Variants in HOGA1 observed in about 807,000 individuals in gnomAD.
The protein encoded by HOGA1 is 4-hydroxy-2-oxoglutarate aldolase 1.
A neutral mutation model predicts 34.3 loss-of-function variants in HOGA1; 30 were observed. The observed-to-expected ratio is 0.87, with a 90% CI of 0.65 to 1.19. HOGA1 has a LOEUF of 1.19. HOGA1 is among the 50% of genes most tolerant of loss of function. The pLI is 0.00. For missense variants in HOGA1, 417 were observed against 436.5 expected (o/e 0.96, Z 0.40); for synonymous variants, 161 against 174.0 (o/e 0.93, Z 0.59).
intron 6 of HOGA1, among the ~76,000 whole-genome samples, chr10:97,607,931 T>C (rs1229210683): frequency 6.6e-6 from 1 of 152,216 alleles, no homozygotes; most frequent in Non-Finnish European, 1.5e-5. Flanking sequence ...CATGATTTAT[T>C]ATAATTTTAT....
intron 1 of HOGA1, chr10:97,591,049 C>T (rs1044686912): frequency 6.8e-5 from 11 of 161,172 alleles, no homozygotes; most frequent in African/African-American, 2.6e-4. Flanking sequence ...GACCTGGGGC[C>T]TTTTCACTGG....
intron 6 of HOGA1, among the ~76,000 whole-genome samples, chr10:97,604,289 A>G (rs1423635428): frequency 6.6e-6 from 1 of 152,152 alleles, no homozygotes; most frequent in Admixed American, 6.5e-5. Context: ...ATTTCTGAGT[A>G]GGATACCATG....
At chr10:97,586,803 G>A (rs1259783560) in intron 1 of HOGA1, among the ~76,000 whole-genome samples, 2 of 152,130 alleles carry the variant, frequency 1.3e-5, no homozygotes, top group Non-Finnish European at 2.9e-5. Context: ...GCAGGCTGTG[G>A]GCTGCACATA....
rs891664399 is a variant in HOGA1, at chr10:97,603,371, G to A, written c.834+1381G>A. ...GCTCACTGCAACCTCAATGTCCTGG[G>A]CTTAAGCAATCTTTTTAATTTTTTA... On this transcript the variant is annotated intron_variant, in intron 6 of 6. Transcript: ENST00000370646. The surrounding 1 kb of genome is among the most constrained non-coding windows in gnomAD (Gnocchi z 4.5). Among the ~76,000 whole-genome samples the A allele has an allele frequency of 2.0e-5, 3 of 151,868 alleles. No homozygotes were observed. The highest frequency in any genetic ancestry group is 4.4e-5 in the Non-Finnish European group (3 of 67,922).
chr10:97,592,168 C>T (rs1008141713), intron 1 of HOGA1, among the ~76,000 whole-genome samples: 1 of 150,928 alleles, frequency 6.6e-6, no homozygotes, highest in African/African-American at 2.4e-5. Context: ...TGGTTCTGGT[C>T]ATCATATTAT....
In HOGA1 at chr10:97,611,942, T is replaced by C. The variant is rs965334237; in HGVS notation, c.*283T>C. 6.3e-6 allele frequency: 3 copies of C among 473,720 alleles called. No individual in the cohort carries two copies. The highest frequency in any genetic ancestry group is 3.5e-5 in the Admixed American group (1 of 28,850). 29.3% of individuals were successfully genotyped at this position (473,720 alleles called of 1,614,324 possible). A position where few individuals can be genotyped will look rare whatever the true frequency, so the allele number is the denominator to read the frequency against. On this transcript the variant is annotated 3_prime_UTR_variant, in exon 7 of 7. Transcript: ENST00000370646. ...AATTTATCTTTCTACTGTGGATGCT[T>C]TCCTACGCCCTGAGGCACATGAAGT...
chr10:97,591,582 C>A (rs1354138930), intron 1 of HOGA1, among the ~76,000 whole-genome samples: 1 of 151,974 alleles, frequency 6.6e-6, no homozygotes, highest in East Asian at 1.9e-4. Context: ...TTAACCTGAT[C>A]ATCTTGGGTT....
intron 1 of HOGA1, chr10:97,589,629 C>T (rs1313519939): frequency 4.6e-6 from 2 of 439,540 alleles, no homozygotes; most frequent in African/African-American, 2.0e-5. Flanking sequence ...CCACTCTCCC[C>T]ACCCCACCCG....
In HOGA1 at chr10:97,598,874, G is replaced by C. The variant is rs747381537; in HGVS notation, c.311G>C (p.Arg104Thr). The C allele has an allele frequency of 6.2e-7, 1 of 1,614,038 alleles. No homozygotes were observed. Among genetic ancestry groups the C allele is most frequent in the East Asian group, 2.2e-5 (1 of 44,888 alleles). ...SRVRQAMPKN[R>T]LLLAGSGCES... is the part of the protein sequence containing the mutation. ...GTGCGCCAGGCCATGCCCAAGAACA[G>C]GCTCCTGCTAGCTGGCTCCGGATGC... Residue 104 changes from arginine (R) to threonine (T), a missense_variant, in exon 2 of 7, where the codon AGG (arginine) becomes ACG (threonine). Physicochemically the swap from Arg to Thr is moderately conservative, Grantham distance 71. Coordinates refer to ENST00000370646, the MANE Select transcript of HOGA1 (RefSeq NM_138413.4).
chr10:97,598,964 C>T (rs1589907773), intron 2 of HOGA1, 61 bp downstream of exon 2: 4 of 1,609,714 alleles, frequency 2.5e-6, no homozygotes, highest in South Asian at 1.1e-5. Context: ...GGCTCCTAGG[C>T]CCTAGCTTGG....
Sources: allele counts gnomAD v4.1 joint callset (sites outside exome capture counted in the v4.1 genomes callset), GRCh38; gene constraint gnomAD v4.1.1; non-coding constraint Gnocchi (gnomAD v3.1); transcripts MANE v1.5; gene names NCBI Gene and HGNC (gene_info 2026-07-23, HGNC 2026-07-21).